SIPA1L2: variants seen among roughly 807,000 people sequenced by gnomAD.
SIPA1L2 encodes signal-induced proliferation-associated 1-like protein 2.
In SIPA1L2, 56 loss-of-function variants were observed where a neutral mutation model predicts 163.9. The observed-to-expected ratio is 0.34, with a 90% confidence interval of 0.28 to 0.43. The LOEUF is 0.43. Among genes scored for constraint, SIPA1L2 ranks in the 20% least tolerant of loss-of-function variants. The pLI is 1.00. For synonymous variants in SIPA1L2, 877 were observed against 865.7 expected (o/e 1.01, Z -0.23); for missense variants, 1,974 against 2,193.5 (o/e 0.90, Z 2.00).
At chr1:232,410,127 C>T (rs916038112) in intron 19 of SIPA1L2, among the ~76,000 whole-genome samples, 24 of 151,984 alleles carry the variant, frequency 1.6e-4, no homozygotes, top group Non-Finnish European at 2.8e-4. Context: ...TTAAAGGGCA[C>T]GGTCTCAAAG....
intron 16 of SIPA1L2, among the ~76,000 whole-genome samples, chr1:232,429,513 C>T (rs1332788792): frequency 1.3e-5 from 2 of 152,090 alleles, no homozygotes; most frequent in African/African-American, 4.8e-5. Context: ...CTCTAAAATC[C>T]TCTATGGCTT....
chr1:232,580,216 G>A (rs111243633), intron 1 of SIPA1L2, among the ~76,000 whole-genome samples: 4,488 of 152,218 alleles, frequency 0.029, 211 homozygotes, highest in African/African-American at 0.1. Context: ...TTTGTAAACT[G>A]TCATGGCACT....
At chr1:232,434,681 A>C (rs1048547636) in intron 15 of SIPA1L2, among the ~76,000 whole-genome samples, 4 of 152,200 alleles carry the variant, frequency 2.6e-5, no homozygotes, top group Non-Finnish European at 5.9e-5. Context: ...CTGTGTGTCT[A>C]GACAACGAGC....
intron 10 of SIPA1L2, among the ~76,000 whole-genome samples, chr1:232,447,494 T>TA (rs1663287510): frequency 6.6e-6 from 1 of 152,226 alleles, no homozygotes. Context: ...TGGTACAATT[T>TA]AAAAAAGGTG....
At position 232,465,189 on chromosome 1, in the gene SIPA1L2, G is replaced by T; in HGVS notation, c.2471C>A (p.Thr824Asn). Residue 824 changes from threonine (T) to asparagine (N), a missense_variant, in exon 9 of 23, where the codon ACC becomes AAC. Around this residue, in one of 3 missense-constraint regions of SIPA1L2, gnomAD observed 288 missense variants for 418.9 expected, o/e 0.69. Coordinates refer to ENST00000674635, the MANE Select transcript of SIPA1L2 (RefSeq NM_020808.5). The surrounding 1 kb of genome is among the most constrained non-coding windows in gnomAD (Gnocchi z 4.1). ...CGTAATGAAGCTGAACTTCACAGAG[G>T]TATCCACGGTGGCGGTTGTGACAAA... is the stretch of plus-strand genomic sequence containing the variant. ...ENFVTTATVD[T>N]SVKFSFITLG... The T allele has an allele frequency of 3.1e-6, 5 of 1,614,164 alleles. No homozygotes were observed. The highest frequency in any genetic ancestry group is 4.2e-6 in the Non-Finnish European group (5 of 1,180,040).
At position 232,513,977 on chromosome 1, in the gene SIPA1L2, C is replaced by T. The variant is rs757755941; in HGVS notation, c.1363G>A (p.Val455Ile). The T allele has an allele frequency of 1.5e-5, 24 of 1,614,106 alleles. No individual in the cohort carries two copies. In the African/African-American group the frequency reaches 2.7e-4, roughly 18 times the overall value. The change falls in exon 3 of 23, where the codon GTC (valine) becomes ATC (isoleucine). Residue 455 changes from valine to isoleucine, a missense_variant. Physicochemically the swap from Val to Ile is conservative, Grantham distance 29. Coordinates refer to ENST00000674635, the MANE Select transcript of SIPA1L2 (RefSeq NM_020808.5). ...SLSSHCTNAG[V>I]SVLEVPRENQ... ...TCTCTGGGCACTTCCAAGACGGAGA[C>T]ACCTGCATTTGTGCAGTGAGAGCTG...
At chr1:232,438,798 G>A (rs112746671) in intron 15 of SIPA1L2, among the ~76,000 whole-genome samples, 2,112 of 152,146 alleles carry the variant, frequency 0.014, 46 homozygotes, top group African/African-American at 0.048. Context: ...TCCAAAACAC[G>A]TAGGGACAAC....
chr1:232,554,630 T>A (rs1010065263), intron 2 of SIPA1L2, among the ~76,000 whole-genome samples: 3 of 152,238 alleles, frequency 2.0e-5, no homozygotes, highest in Non-Finnish European at 4.4e-5. Context: ...GCAATATTTA[T>A]GTTATGCACA....
At chr1:232,545,505 C>T (rs1357957819) in intron 2 of SIPA1L2, among the ~76,000 whole-genome samples, 1 of 152,206 alleles carries the variant, frequency 6.6e-6, no homozygotes, top group South Asian at 2.1e-4. Context: ...TATGTAATCA[C>T]ACGTAATACT....
chr1:232,525,909 C>T (rs894806887), intron 2 of SIPA1L2, among the ~76,000 whole-genome samples: 10 of 152,176 alleles, frequency 6.6e-5, no homozygotes, highest in African/African-American at 1.9e-4. Context: ...GATTTACTCC[C>T]GTGCATATGT....
At chr1:232,456,972 A>C (rs189232631) in intron 10 of SIPA1L2, among the ~76,000 whole-genome samples, 10 of 152,278 alleles carry the variant, frequency 6.6e-5, no homozygotes, top group Admixed American at 2.6e-4. Flanking sequence ...CTCCCTGCTC[A>C]GTGTTCCCTG....
At chr1:232,511,958 A>C (rs945305409) in intron 3 of SIPA1L2, among the ~76,000 whole-genome samples, 2 of 152,234 alleles carry the variant, frequency 1.3e-5, no homozygotes, top group African/African-American at 2.4e-5. Context: ...AATGGGAGAA[A>C]ATTTTTGCAA....
chr1:232,467,346 G>A lies in SIPA1L2; in HGVS notation c.2244-1930C>T, dbSNP rs150071468. ...GGGAACTTGACTTACGGGCTTAAAT[G>A]AAGGAAAGGTCCTTAAAAACATCAC... On this transcript the variant is annotated intron_variant, in intron 8 of 22. Transcript: ENST00000674635. Among the ~76,000 whole-genome samples, 407 of 152,276 alleles carry A rather than the reference G, an allele frequency of 2.7e-3. 3 individuals are homozygous for A. The highest frequency in any genetic ancestry group is 9.3e-3 in the African/African-American group (385 of 41,554).
At position 232,582,404 on chromosome 1, in the gene SIPA1L2, T is replaced by C. The variant is rs117256803; in HGVS notation, c.-318-8182A>G. Reference sequence around the variant, plus strand: ...GATCCCACTTATTAATGAGAACATGTAATATTTAGTTTTCTATACCTGCAT... The same window carrying C: ...GATCCCACTTATTAATGAGAACATGCAATATTTAGTTTTCTATACCTGCAT... On this transcript the variant is annotated intron_variant, in intron 1 of 22. Transcript: ENST00000674635. Among the ~76,000 whole-genome samples the C allele has an allele frequency of 1.6e-3, 250 of 152,314 alleles. 7 individuals are homozygous for C. In the East Asian group the frequency reaches 0.043, roughly 26 times the overall value.
Position 232,443,297 on chromosome 1 carries a change from C to T in SIPA1L2, c.3437+305G>A, listed in dbSNP as rs942052263. Among the ~76,000 whole-genome samples the T allele has an allele frequency of 3.9e-5, 6 of 152,154 alleles. No homozygotes were observed. In the East Asian group the frequency reaches 5.8e-4, roughly 15 times the overall value. The stretch of plus-strand genomic sequence containing the variant: ...CTAAACCCACTTCTCTGATTTTGAG[C>T]GGCGTTTCCTCATCAGCAATTTAAG... On this transcript the variant is annotated intron_variant, in intron 12 of 22. Coordinates refer to ENST00000674635, the MANE Select transcript of SIPA1L2 (RefSeq NM_020808.5).
intron 15 of SIPA1L2, among the ~76,000 whole-genome samples, chr1:232,435,112 C>T (rs1316570915): frequency 3.3e-5 from 5 of 152,098 alleles, no homozygotes; most frequent in Non-Finnish European, 4.4e-5. Context: ...CGAGATGTTT[C>T]GTTGTTAAAG....
chr1:232,583,909 T>C (rs578108510), intron 1 of SIPA1L2, among the ~76,000 whole-genome samples: 1 of 152,048 alleles, frequency 6.6e-6, no homozygotes, highest in South Asian at 2.1e-4. Flanking sequence ...CTCATTCTCC[T>C]TCGAAGCAAG....
intron 5 of SIPA1L2, among the ~76,000 whole-genome samples, chr1:232,487,803 T>A (rs1400188416): frequency 1.3e-5 from 2 of 152,014 alleles, no homozygotes; most frequent in Non-Finnish European, 2.9e-5. Context: ...ACCCACAGTA[T>A]CTCCTACTTC....
chr1:232,572,689 A>G (rs1458987782), intron 2 of SIPA1L2, among the ~76,000 whole-genome samples: 1 of 56,092 alleles, frequency 1.8e-5, no homozygotes, highest in East Asian at 3.7e-4. Context: ...ACACACATAT[A>G]CATACATATA....
Sources: gnomAD v4.1 joint callset for allele counts (sites outside exome capture counted in the v4.1 genomes callset) on GRCh38, gnomAD v4.1.1 for gene constraint, gnomAD v4.1.1 regional missense constraint, Gnocchi (gnomAD v3.1) non-coding constraint, MANE v1.5 for transcripts, NCBI Gene and HGNC (gene_info 2026-07-23, HGNC 2026-07-21) for gene names.